Variants in TCF7L2 observed in about 807,000 individuals in gnomAD.
The protein encoded by TCF7L2 is transcription factor 7 like 2.
In TCF7L2, 23 loss-of-function variants were observed where a neutral mutation model predicts 77.9. The observed-to-expected ratio is 0.30, with a 90% confidence interval of 0.21 to 0.42. The LOEUF (loss-of-function observed/expected upper bound fraction) is 0.42, where lower values mean the gene tolerates loss of function less well. Among genes scored for constraint, TCF7L2 ranks in the 10% least tolerant of loss-of-function variants. The pLI is 1.00. For synonymous variants in TCF7L2, 413 were observed against 340.2 expected (o/e 1.21, Z -2.36); for missense variants, 654 against 793.1 (o/e 0.82, Z 2.11).
intron 5 of TCF7L2, among the ~76,000 whole-genome samples, chr10:113,058,626 G>C (rs1483717277): frequency 6.6e-6 from 1 of 152,044 alleles, no homozygotes; most frequent in African/African-American, 2.4e-5. Context: ...GGGGTCTGAG[G>C]GGGGTTGGAT....
At chr10:113,059,481 G>A (rs148762900) in intron 5 of TCF7L2, among the ~76,000 whole-genome samples, 5 of 152,142 alleles carry the variant, frequency 3.3e-5, no homozygotes, top group African/African-American at 7.2e-5. Context: ...GAAAAGGCGG[G>A]GGTTGGGGAG....
chr10:113,161,383 G>T (rs550887718), intron 13 of TCF7L2: 1 of 609,178 alleles, frequency 1.6e-6, no homozygotes, highest in Non-Finnish European at 2.9e-6. Context: ...GGTTCCAAAA[G>T]GAATCAGAAC....
At chr10:112,971,681 C>T (rs746725626) in intron 4 of TCF7L2, among the ~76,000 whole-genome samples, 5 of 151,096 alleles carry the variant, frequency 3.3e-5, no homozygotes, top group Admixed American at 6.6e-5. Flanking sequence ...GGCGTGATGT[C>T]GGCTCACTGC....
At chr10:113,153,857 GATGAGTA>G (rs2071283363) in intron 11 of TCF7L2, among the ~76,000 whole-genome samples, 1 of 152,228 alleles carries the variant, frequency 6.6e-6, no homozygotes, top group East Asian at 1.9e-4. Flanking sequence ...TGCCTGCTCT[GATGAGTA>G]ATTTCAGGCC....
At chr10:113,107,212 A>G (rs2062441827) in intron 5 of TCF7L2, among the ~76,000 whole-genome samples, 2 of 152,166 alleles carry the variant, frequency 1.3e-5, no homozygotes, top group Non-Finnish European at 2.9e-5. Context: ...TTGGTTGGGA[A>G]TGGACTATGT....
intron 5 of TCF7L2, among the ~76,000 whole-genome samples, chr10:113,043,943 C>CA (rs1238123676): frequency 2.0e-5 from 3 of 151,762 alleles, no homozygotes; most frequent in Non-Finnish European, 4.4e-5. Context: ...TTGTATCCAG[C>CA]AAAAAAAGAT....
intron 5 of TCF7L2, among the ~76,000 whole-genome samples, chr10:113,118,820 G>T (rs2064300153): frequency 6.6e-6 from 1 of 151,778 alleles, no homozygotes. Flanking sequence ...ATTACGCTCT[G>T]GGATTGAGAG....
At chr10:113,086,730 A>G (rs372047047) in intron 5 of TCF7L2, among the ~76,000 whole-genome samples, 1 of 149,686 alleles carries the variant, frequency 6.7e-6, no homozygotes, top group South Asian at 2.1e-4. Context: ...AGAGTTTTTT[A>G]TTTGTTTGTT....
At chr10:113,032,023 GA>G (rs1420361718) in intron 4 of TCF7L2, among the ~76,000 whole-genome samples, 1 of 152,210 alleles carries the variant, frequency 6.6e-6, no homozygotes, top group Non-Finnish European at 1.5e-5. Flanking sequence ...GTTGTCCAAT[GA>G]AGAAATGAAG....
chr10:113,072,829 C>G (rs1027915505), intron 5 of TCF7L2, among the ~76,000 whole-genome samples: 1 of 152,148 alleles, frequency 6.6e-6, no homozygotes, highest in Non-Finnish European at 1.5e-5. Context: ...TGTTTCTTGC[C>G]TGCCTTTTGG....
chr10:113,116,080 T>C (rs1362493099), intron 5 of TCF7L2, among the ~76,000 whole-genome samples: 1 of 152,168 alleles, frequency 6.6e-6, no homozygotes, highest in Admixed American at 6.5e-5. Context: ...GGTAGATGTA[T>C]GTAGCTGACA....
intron 11 of TCF7L2, among the ~76,000 whole-genome samples, chr10:113,157,482 C>T (rs1406232965): frequency 6.6e-6 from 1 of 152,222 alleles, no homozygotes; most frequent in East Asian, 1.9e-4. Context: ...TCCCCTGCAT[C>T]TTTAACAGCA....
At chr10:113,039,159 C>G (rs181072111) in intron 4 of TCF7L2, among the ~76,000 whole-genome samples, 31 of 152,310 alleles carry the variant, frequency 2.0e-4, no homozygotes, top group Admixed American at 2.0e-4. Flanking sequence ...CTGAGTACCT[C>G]TGTGACTGGG....
chr10:113,113,667 C>T (rs1228797250), intron 5 of TCF7L2, among the ~76,000 whole-genome samples: 1 of 152,188 alleles, frequency 6.6e-6, no homozygotes, highest in Non-Finnish European at 1.5e-5. Context: ...TCTCTTATTT[C>T]TGCAGCATTT....
At chr10:113,114,454 C>A (rs879835536) in intron 5 of TCF7L2, among the ~76,000 whole-genome samples, 5 of 151,986 alleles carry the variant, frequency 3.3e-5, no homozygotes, top group Non-Finnish European at 7.4e-5. Flanking sequence ...TTGGAGGCGC[C>A]CTTAGTGGAG....
At chr10:112,970,324 A>G (rs2037960759) in intron 4 of TCF7L2, among the ~76,000 whole-genome samples, 1 of 151,708 alleles carries the variant, frequency 6.6e-6, no homozygotes, top group Admixed American at 6.6e-5. Flanking sequence ...TATGCTTGCA[A>G]GTTCCCATCT....
intron 5 of TCF7L2, among the ~76,000 whole-genome samples, chr10:113,094,366 A>G (rs2060715920): frequency 6.6e-6 from 1 of 152,242 alleles, no homozygotes; most frequent in Non-Finnish European, 1.5e-5. Context: ...TGAAACAAAT[A>G]TAGATATTGC....
intron 4 of TCF7L2, among the ~76,000 whole-genome samples, chr10:113,029,548 T>C (rs945579243): frequency 2.0e-5 from 3 of 148,298 alleles, no homozygotes; most frequent in African/African-American, 7.5e-5. Flanking sequence ...TTTTTTGAGA[T>C]GGAATTTCGC....
intron 4 of TCF7L2, among the ~76,000 whole-genome samples, chr10:112,991,345 C>T (rs911735907): frequency 2.0e-4 from 30 of 151,858 alleles, no homozygotes; most frequent in Non-Finnish European, 4.3e-4. Flanking sequence ...CTGGCTAACA[C>T]GATGAAACCC....
Sources: gnomAD v4.1 joint callset for allele counts (sites outside exome capture counted in the v4.1 genomes callset) on GRCh38, gnomAD v4.1.1 for gene constraint, MANE v1.5 for transcripts, NCBI Gene and HGNC (gene_info 2026-07-23, HGNC 2026-07-21) for gene names.